The following RBFOX3 variants were observed in gnomAD, a reference collection of about 807,000 sequenced individuals.
RBFOX3 encodes the protein RNA binding protein fox-1 homolog 3.
In RBFOX3, 17 loss-of-function variants were observed where a neutral mutation model predicts 48.7. The observed-to-expected ratio is 0.35, with a 90% CI of 0.24 to 0.52. RBFOX3 has a LOEUF of 0.52. Ranked by LOEUF, RBFOX3 falls within the 20% of genes least tolerant of loss-of-function variation. The pLI is 0.94. For missense variants in RBFOX3, 382 were observed against 497.5 expected (o/e 0.77, Z 2.21); for synonymous variants, 212 against 209.5 (o/e 1.01, Z -0.10).
At chr17:79,546,245 C>T (rs980343961) in intron 1 of RBFOX3, among the ~76,000 whole-genome samples, 4 of 152,162 alleles carry the variant, frequency 2.6e-5, no homozygotes, top group Non-Finnish European at 5.9e-5. Flanking sequence ...AACCCCAGGA[C>T]GCTCTCCCAC....
Position 79,095,510 on chromosome 17 carries a change from C to T in RBFOX3, c.998+3G>A, listed in dbSNP as rs1282786756. On this transcript the variant is annotated splice_donor_region_variant and intron_variant, in intron 13 of 14. Transcript: ENST00000693108. ...CCAGAACAGTGCTGGCCCCCGGCCT[C>T]ACCTGTCGCTGTAGGCTGCCGCCGC... is the stretch of plus-strand genomic sequence containing the variant. 3.2e-6 allele frequency: 5 copies of T among 1,551,280 alleles called. No individual in the cohort carries two copies. The highest frequency in any genetic ancestry group is 4.4e-6 in the Non-Finnish European group (5 of 1,146,678).
intron 3 of RBFOX3, among the ~76,000 whole-genome samples, chr17:79,272,048 T>C (rs2067820384): frequency 6.6e-6 from 1 of 151,738 alleles, no homozygotes; most frequent in South Asian, 2.1e-4. Flanking sequence ...CTTTTCGGGG[T>C]GGGAACGCCG....
intron 4 of RBFOX3, among the ~76,000 whole-genome samples, chr17:79,215,496 T>C (rs2058925002): frequency 6.6e-6 from 1 of 152,122 alleles, no homozygotes; most frequent in African/African-American, 2.4e-5. Flanking sequence ...GTTCCTTGAG[T>C]CCTTGCCAAG....
In RBFOX3 at chr17:79,363,475, C is replaced by T. The variant is rs573911271; in HGVS notation, c.-174-55651G>A. On this transcript the variant is annotated intron_variant, in intron 2 of 14. Transcript: ENST00000693108. The surrounding 1 kb of genome is among the most constrained non-coding windows in gnomAD (Gnocchi z 4.7). The stretch of plus-strand genomic sequence containing the variant: ...AAACTCTTCTGTCTGGCTGCCTCCT[C>T]GGCTTTTTCAAGAAGCCTCAGAAGT... 5.3e-5 allele frequency among the ~76,000 whole-genome samples: 8 copies of T among 152,198 alleles called. No homozygotes were observed. In the South Asian group the frequency reaches 1.7e-3, roughly 32 times the overall value.
intron 2 of RBFOX3, among the ~76,000 whole-genome samples, chr17:79,377,296 G>A (rs1417494615): frequency 2.6e-5 from 4 of 152,062 alleles, no homozygotes; most frequent in African/African-American, 9.7e-5. Flanking sequence ...GACGCATACA[G>A]AGCCCTGCAT....
At chr17:79,561,623 G>A (rs983912516) in intron 1 of RBFOX3, among the ~76,000 whole-genome samples, 4 of 152,142 alleles carry the variant, frequency 2.6e-5, no homozygotes, top group Admixed American at 1.3e-4. Context: ...AGTGCCCAGT[G>A]TATGCAGACC....
chr17:79,255,589 G>C (rs2064692246), intron 3 of RBFOX3, among the ~76,000 whole-genome samples: 1 of 152,054 alleles, frequency 6.6e-6, no homozygotes, highest in South Asian at 2.1e-4. Flanking sequence ...CCTTTAATGG[G>C]ACACTCCATC....
the RBFOX3 span, among the ~76,000 whole-genome samples, chr17:79,643,737 A>G: frequency 6.6e-6 from 1 of 152,204 alleles, no homozygotes; most frequent in Non-Finnish European, 1.5e-5. Flanking sequence ...AAATATTTCA[A>G]ACTGAACAGT....
rs1404236692 is a variant in RBFOX3 at position 79,610,929 on chromosome 17, C to A, written c.-423G>T. 2.0e-5 allele frequency among the ~76,000 whole-genome samples: 3 copies of A among 151,248 alleles called. No individual in the cohort carries two copies. The highest frequency in any genetic ancestry group is 6.6e-5 in the Admixed American group (1 of 15,170). On this transcript the variant is annotated 5_prime_UTR_variant, in exon 1 of 15. Coordinates refer to ENST00000693108, the MANE Select transcript of RBFOX3 (RefSeq NM_001350451.2). ...CGGCGTCCTGGGGCCGCACAGGCAC[C>A]GGCGAGCCAGCGGCAAGGGGCGCGC...
intron 4 of RBFOX3, among the ~76,000 whole-genome samples, chr17:79,122,677 G>A (rs896619487): frequency 2.0e-5 from 3 of 150,198 alleles, no homozygotes; most frequent in Non-Finnish European, 3.0e-5. Flanking sequence ...AACAGCTGCC[G>A]TAGGATCCAG....
chr17:79,222,969 T>C (rs2059908214), intron 4 of RBFOX3, among the ~76,000 whole-genome samples: 1 of 152,150 alleles, frequency 6.6e-6, no homozygotes, highest in Admixed American at 6.5e-5. Flanking sequence ...TGGCTGCAGC[T>C]CTGGGGTGTC....
chr17:79,213,519 CCCG>C (rs1484075554), intron 4 of RBFOX3, among the ~76,000 whole-genome samples: 1 of 152,220 alleles, frequency 6.6e-6, no homozygotes, highest in African/African-American at 2.4e-5. Context: ...GGCCTCCCAC[CCCG>C]CCAACCAGTG....
At chr17:79,618,257 G>A in the RBFOX3 span, among the ~76,000 whole-genome samples, 1 of 152,174 alleles carries the variant, frequency 6.6e-6, no homozygotes, top group African/African-American at 2.4e-5. Context: ...TCTGCAGCCG[G>A]GGCAGTGGCC....
chr17:79,648,729 G>A, the RBFOX3 span, among the ~76,000 whole-genome samples: 2 of 152,284 alleles, frequency 1.3e-5, no homozygotes, highest in Admixed American at 1.3e-4. Flanking sequence ...GGCTGGGGCT[G>A]CTCTCCAAAT....
At chr17:79,099,642 T>C (rs2076056714) in intron 9 of RBFOX3, 2 of 152,240 alleles carry the variant, frequency 1.3e-5, no homozygotes, top group Admixed American at 6.5e-5. Context: ...CACCTGTCAA[T>C]TCTGGCTTCC....
At chr17:79,206,258 G>A (rs567792441) in intron 4 of RBFOX3, among the ~76,000 whole-genome samples, 14 of 152,166 alleles carry the variant, frequency 9.2e-5, no homozygotes, top group African/African-American at 3.4e-4. Context: ...GATGCTGGAG[G>A]CAGCAAATAT....
chr17:79,162,635 T>C (rs1424957631), intron 4 of RBFOX3, among the ~76,000 whole-genome samples: 2 of 152,176 alleles, frequency 1.3e-5, no homozygotes, highest in Non-Finnish European at 2.9e-5. Context: ...GCAGTTAAAT[T>C]AGTTAAATGG....
At chr17:79,257,350 G>A (rs985111862) in intron 3 of RBFOX3, among the ~76,000 whole-genome samples, 9 of 152,214 alleles carry the variant, frequency 5.9e-5, no homozygotes, top group African/African-American at 2.2e-4. Flanking sequence ...AAGTCCCAAA[G>A]GGTCCAATGT....
upstream of RBFOX3, among the ~76,000 whole-genome samples, chr17:79,612,865 C>A (rs1599294431): frequency 6.6e-6 from 1 of 152,344 alleles, no homozygotes; most frequent in East Asian, 1.9e-4. Context: ...AGGGCTCTTG[C>A]CTCGCTGTGC....
Sources: allele counts gnomAD v4.1 joint callset (sites outside exome capture counted in the v4.1 genomes callset), GRCh38; gene constraint gnomAD v4.1.1; non-coding constraint Gnocchi (gnomAD v3.1); transcripts MANE v1.5; gene names NCBI Gene and HGNC (gene_info 2026-07-23, HGNC 2026-07-21).